The following CLNK variants were observed in gnomAD, a reference collection of about 807,000 sequenced individuals.
CLNK encodes cytokine-dependent hematopoietic cell linker.
In CLNK, 74 loss-of-function variants were observed where a neutral mutation model predicts 68.6. The ratio of observed to expected loss-of-function variants is 1.08; its 90% CI spans 0.89 to 1.31. CLNK has a LOEUF of 1.31. Among genes scored for constraint, CLNK ranks in the 50% most tolerant of loss-of-function variants. The pLI, the probability that CLNK is intolerant of heterozygous loss-of-function variation, is 0.00. For missense variants in CLNK, 553 were observed against 515.3 expected (o/e 1.07, Z -0.71); for synonymous variants, 198 against 172.2 (o/e 1.15, Z -1.17).
chr4:10,626,272 C>T (rs1722671343), intron 2 of CLNK, among the ~76,000 whole-genome samples: 1 of 152,196 alleles, frequency 6.6e-6, no homozygotes, highest in Admixed American at 6.5e-5. Context: ...CTTTTGTCAC[C>T]AGGATGCCTG....
chr4:10,606,086 T>TA (rs1721776760), intron 2 of CLNK, among the ~76,000 whole-genome samples: 1 of 152,212 alleles, frequency 6.6e-6, no homozygotes, highest in African/African-American at 2.4e-5. Context: ...TATTTCAATT[T>TA]AAAAATGTTG....
intron 5 of CLNK, among the ~76,000 whole-genome samples, chr4:10,567,000 G>A (rs1720146564): frequency 6.6e-6 from 1 of 151,956 alleles, no homozygotes; most frequent in Non-Finnish European, 1.5e-5. Context: ...TCATGGATTG[G>A]GAGACTTAAT....
intron 2 of CLNK, among the ~76,000 whole-genome samples, chr4:10,610,521 G>A (rs1326230041): frequency 6.6e-6 from 1 of 151,936 alleles, no homozygotes; most frequent in African/African-American, 2.4e-5. Context: ...TTCAGCAAGA[G>A]GAAATAAATG....
the CLNK span, among the ~76,000 whole-genome samples, chr4:10,690,314 A>G: frequency 2.8e-4 from 43 of 152,308 alleles, no homozygotes; most frequent in African/African-American, 8.4e-4. Context: ...GCTCAGTATA[A>G]GAGCTCATCC....
intron 2 of CLNK, among the ~76,000 whole-genome samples, chr4:10,600,143 G>C (rs901276297): frequency 6.6e-6 from 1 of 152,076 alleles, no homozygotes; most frequent in South Asian, 2.1e-4. Flanking sequence ...CTCTGGGCCC[G>C]ACCTTTTTTT....
chr4:10,654,859 T>C (rs957887800), intron 2 of CLNK, among the ~76,000 whole-genome samples: 12 of 151,916 alleles, frequency 7.9e-5, no homozygotes, highest in Admixed American at 6.6e-5. Flanking sequence ...TCCCAGCGCT[T>C]TGGGAGGCCG....
chr4:10,524,812 A>G (rs1718234482), intron 14 of CLNK, among the ~76,000 whole-genome samples: 1 of 152,064 alleles, frequency 6.6e-6, no homozygotes, highest in South Asian at 2.1e-4. Context: ...AGAGGAGCAA[A>G]TACGGGGGGA....
chr4:10,549,601 T>G (rs1018582754), intron 8 of CLNK, among the ~76,000 whole-genome samples: 1 of 152,222 alleles, frequency 6.6e-6, no homozygotes, highest in African/African-American at 2.4e-5. Flanking sequence ...TCATGGAAAT[T>G]CATGTGTGGA....
At chr4:10,696,778 A>G in the CLNK span, among the ~76,000 whole-genome samples, 1 of 152,310 alleles carries the variant, frequency 6.6e-6, no homozygotes, top group South Asian at 2.1e-4. Context: ...GAAGTAGTCA[A>G]TCATAAATGC....
the CLNK span, among the ~76,000 whole-genome samples, chr4:10,731,812 G>T: frequency 1.3e-5 from 2 of 152,196 alleles, no homozygotes; most frequent in Admixed American, 6.5e-5. Context: ...AGAAGGCTTT[G>T]CAAGAAAGGA....
At chr4:10,680,630 T>C (rs1304233933) in intron 1 of CLNK, among the ~76,000 whole-genome samples, 2 of 152,180 alleles carry the variant, frequency 1.3e-5, no homozygotes, top group African/African-American at 2.4e-5. Flanking sequence ...TAATAGCCAC[T>C]ACCATTTACT....
the CLNK span, among the ~76,000 whole-genome samples, chr4:10,698,196 G>T: frequency 6.6e-6 from 1 of 152,104 alleles, no homozygotes; most frequent in African/African-American, 2.4e-5. Context: ...GGTGAGAGTG[G>T]TGTCATTGGT....
rs188956615 is a variant in CLNK, at chr4:10,607,596, A to G, written c.12-9547T>C. Among the ~76,000 whole-genome samples, 426 of 152,288 alleles carry G rather than the reference A, an allele frequency of 2.8e-3. 3 individuals carry two copies. The highest frequency in any genetic ancestry group is 4.0e-3 in the Non-Finnish European group (274 of 68,006). ...GAGGCTGTTTTTGTCTTGCCTGGCA[A>G]TATGTCTGTAGCACAAAGTTAGGGA... On this transcript the variant is annotated intron_variant, in intron 2 of 18. Transcript: ENST00000226951.
the CLNK span, among the ~76,000 whole-genome samples, chr4:10,699,567 C>G: frequency 3.6e-5 from 5 of 137,746 alleles, no homozygotes; most frequent in African/African-American, 1.4e-4. Context: ...GGCTGGAGCA[C>G]AGTGGCACCA....
At chr4:10,699,466 GTCTCTCTCTC>G in the CLNK span, among the ~76,000 whole-genome samples, 38 of 60,570 alleles carry the variant, frequency 6.3e-4, no homozygotes, top group East Asian at 1.4e-3. Context: ...CATCCTCTCT[GTCTCTCTCTC>G]TCTCTCTCTC....
intron 11 of CLNK, among the ~76,000 whole-genome samples, chr4:10,540,020 AG>A (rs1262969943): frequency 1.3e-5 from 2 of 152,328 alleles, no homozygotes; most frequent in East Asian, 3.9e-4. Flanking sequence ...ATTTTCTTCT[AG>A]GTATAACTGG....
At chr4:10,501,166 C>T (rs1717028556) in intron 18 of CLNK, 90 bp downstream of exon 18, 1 of 1,310,564 alleles carries the variant, frequency 7.6e-7, no homozygotes, top group Non-Finnish European at 1.0e-6. Flanking sequence ...TTCAGGGCGG[C>T]ATCCTCTTCC....
intron 2 of CLNK, among the ~76,000 whole-genome samples, chr4:10,603,066 C>G (rs1201827681): frequency 3.3e-5 from 5 of 152,212 alleles, no homozygotes; most frequent in Non-Finnish European, 7.3e-5. Context: ...CCCAATGTGA[C>G]TGGTGCAGTC....
chr4:10,553,920 G>C (rs1029497962), intron 8 of CLNK, among the ~76,000 whole-genome samples: 1 of 152,206 alleles, frequency 6.6e-6, no homozygotes, highest in Non-Finnish European at 1.5e-5. Flanking sequence ...GTAAAGAGCT[G>C]GGGCTGCTTA....
Sources: gnomAD v4.1 joint callset for allele counts (sites outside exome capture counted in the v4.1 genomes callset) on GRCh38, gnomAD v4.1.1 for gene constraint, MANE v1.5 for transcripts, NCBI Gene and HGNC (gene_info 2026-07-23, HGNC 2026-07-21) for gene names.